Variants in TAFA1 observed in about 807,000 individuals in gnomAD.
TAFA1 encodes chemokine-like protein TAFA-1.
Under a neutral mutation model 18.5 loss-of-function variants are expected in TAFA1, and 4 were observed. That is an observed-to-expected ratio of 0.22 (90% CI 0.11 to 0.49). The LOEUF is 0.49. Ranked by LOEUF, TAFA1 falls within the 20% of genes least tolerant of loss-of-function variation. The pLI is 0.98. For missense variants in TAFA1, 147 were observed against 169.0 expected, an observed-to-expected ratio of 0.87 and a Z score of 0.72; for synonymous variants, 56 against 55.2, an observed-to-expected ratio of 1.01 and a Z score of -0.06.
intron 2 of TAFA1, among the ~76,000 whole-genome samples, chr3:68,218,670 CA>C: frequency 6.6e-6 from 1 of 152,220 alleles, no homozygotes; most frequent in Non-Finnish European, 1.5e-5. Context: ...TGCCGGAAAA[CA>C]AAACTTGTAA....
intron 3 of TAFA1, among the ~76,000 whole-genome samples, chr3:68,486,097 A>ATTTTATTTTG (rs764952538): frequency 3.3e-4 from 36 of 107,598 alleles, no homozygotes; most frequent in African/African-American, 1.2e-3. Flanking sequence ...ATTTTATTTT[A>ATTTTATTTTG]TTTTGTTTTA....
chr3:68,189,169 T>C (rs891336760), intron 2 of TAFA1, among the ~76,000 whole-genome samples: 47 of 151,948 alleles, frequency 3.1e-4, no homozygotes, highest in African/African-American at 1.1e-3. Flanking sequence ...GGGCACATGG[T>C]AGATGCTCAG....
intron 2 of TAFA1, among the ~76,000 whole-genome samples, chr3:68,404,728 CAG>C (rs1219574363): frequency 2.0e-5 from 3 of 151,104 alleles, no homozygotes; most frequent in Non-Finnish European, 4.4e-5. Flanking sequence ...ACCCAGGAGG[CAG>C]AGTTTGCAGT....
chr3:68,335,118 T>C (rs1239892077), intron 2 of TAFA1, among the ~76,000 whole-genome samples: 1 of 152,228 alleles, frequency 6.6e-6, no homozygotes, highest in East Asian at 1.9e-4. Flanking sequence ...GTTTGCATTA[T>C]GGCTTTTGTT....
chr3:68,329,396 C>A (rs769923437), intron 2 of TAFA1, among the ~76,000 whole-genome samples: 5 of 151,750 alleles, frequency 3.3e-5, no homozygotes, highest in Non-Finnish European at 5.9e-5. Flanking sequence ...TTAAATGTAT[C>A]ATTTTGGTGC....
At chr3:68,535,968 T>C (rs555438819) in intron 3 of TAFA1, among the ~76,000 whole-genome samples, 14 of 152,198 alleles carry the variant, frequency 9.2e-5, no homozygotes, top group Non-Finnish European at 2.1e-4. Context: ...GGTTAATGCA[T>C]AGCTATTTGT....
chr3:68,022,399 A>T (rs1327845513), intron 2 of TAFA1, among the ~76,000 whole-genome samples: 2 of 152,160 alleles, frequency 1.3e-5, no homozygotes, highest in African/African-American at 2.4e-5. Flanking sequence ...GACAGGACAG[A>T]CATTCTTGTC....
At chr3:68,254,635 AATAAAG>A (rs1193567363) in intron 2 of TAFA1, among the ~76,000 whole-genome samples, 1 of 152,068 alleles carries the variant, frequency 6.6e-6, no homozygotes, top group Non-Finnish European at 1.5e-5. Flanking sequence ...CCTCTGTGGA[AATAAAG>A]ATAAAGGTAA....
At chr3:68,538,662 T>A in intron 3 of TAFA1, 94 bp from the exon 4 acceptor site, 1 of 1,306,854 alleles carries the variant, frequency 7.7e-7, no homozygotes, top group African/African-American at 1.5e-5. Flanking sequence ...CTTAGTGTGC[T>A]TCCAAGAACG....
chr3:68,425,666 G>C (rs2071038808), intron 3 of TAFA1, among the ~76,000 whole-genome samples: 1 of 151,920 alleles, frequency 6.6e-6, no homozygotes, highest in Non-Finnish European at 1.5e-5. Flanking sequence ...ATAAAAGATA[G>C]GTGTCTACGT....
intron 2 of TAFA1, among the ~76,000 whole-genome samples, chr3:68,389,352 C>G (rs1453109958): frequency 6.6e-6 from 1 of 152,016 alleles, no homozygotes. Context: ...ATATTGTATT[C>G]ATTTCTTATA....
chr3:68,284,375 C>T (rs1379394088), intron 2 of TAFA1, among the ~76,000 whole-genome samples: 1 of 152,106 alleles, frequency 6.6e-6, no homozygotes, highest in African/African-American at 2.4e-5. Flanking sequence ...ACCAAGGGAA[C>T]TCTTGTACAT....
At chr3:68,338,939 G>T (rs1289582586) in intron 2 of TAFA1, among the ~76,000 whole-genome samples, 1 of 152,182 alleles carries the variant, frequency 6.6e-6, no homozygotes, top group African/African-American at 2.4e-5. Flanking sequence ...CTGAGGCTCA[G>T]GCTAAAGGGC....
intron 2 of TAFA1, among the ~76,000 whole-genome samples, chr3:68,125,602 A>T (rs1397941713): frequency 6.6e-6 from 1 of 152,170 alleles, no homozygotes; most frequent in Non-Finnish European, 1.5e-5. Flanking sequence ...AAATCCTAGC[A>T]TGGGGCCAGT....
At chr3:68,220,428 T>C (rs2066715273) in intron 2 of TAFA1, among the ~76,000 whole-genome samples, 2 of 152,104 alleles carry the variant, frequency 1.3e-5, no homozygotes, top group Non-Finnish European at 2.9e-5. Flanking sequence ...ATTACAACTT[T>C]AGTGTGCAGT....
intron 2 of TAFA1, among the ~76,000 whole-genome samples, chr3:68,316,000 C>T (rs976538313): frequency 1.3e-5 from 2 of 152,118 alleles, no homozygotes; most frequent in Non-Finnish European, 2.9e-5. Context: ...CTGGAGGGCC[C>T]TGCATATAAT....
chr3:68,359,981 G>A (rs950546789), intron 2 of TAFA1, among the ~76,000 whole-genome samples: 3 of 151,830 alleles, frequency 2.0e-5, no homozygotes, highest in African/African-American at 7.3e-5. Flanking sequence ...TATGAAGTGG[G>A]GTCATGGGTT....
chr3:68,089,386 A>G (rs1017804506), intron 2 of TAFA1, among the ~76,000 whole-genome samples: 3 of 152,218 alleles, frequency 2.0e-5, no homozygotes, highest in Admixed American at 6.5e-5. Context: ...GTTCCTCTTC[A>G]TTACAATGAT....
rs559926666 is a variant in TAFA1 at position 68,428,128 on chromosome 3, T to A, written c.259+10708T>A. On this transcript the variant is annotated intron_variant, in intron 3 of 4. Coordinates refer to ENST00000478136, the MANE Select transcript of TAFA1 (RefSeq NM_213609.4). ...TCAAAACCTGTTAAGGTATTCAGAT[T>A]TAAAATTGAAGAATGAGTATTTTCC... Among the ~76,000 whole-genome samples, 22 of 151,936 alleles carry A rather than the reference T, an allele frequency of 1.4e-4. No homozygotes were observed. In the East Asian group the frequency reaches 3.9e-3, roughly 27 times the overall value.
Sources: gnomAD v4.1 joint callset for allele counts (sites outside exome capture counted in the v4.1 genomes callset) on GRCh38, gnomAD v4.1.1 for gene constraint, MANE v1.5 for transcripts, NCBI Gene and HGNC (gene_info 2026-07-23, HGNC 2026-07-21) for gene names.